SPTBN4: variants seen among roughly 807,000 people sequenced by gnomAD.
SPTBN4 encodes the protein spectrin beta, non-erythrocytic 4, also known as spectrin beta chain, non-erythrocytic 4.
Under a neutral mutation model 277.8 loss-of-function variants are expected in SPTBN4, and 96 were observed. That is an observed-to-expected ratio of 0.35 (90% CI 0.29 to 0.41). The LOEUF (loss-of-function observed/expected upper bound fraction) is 0.41. Among genes scored for constraint, SPTBN4 ranks in the 10% least tolerant of loss-of-function variants. The pLI is 1.00. For synonymous variants in SPTBN4, 1,481 were observed against 1,580.3 expected (o/e 0.94, Z 1.49); for missense variants, 3,006 against 3,595.7 (o/e 0.84, Z 4.19).
At chr19:40,513,653 G>A (rs1355754358) in intron 14 of SPTBN4, 99 bp downstream of exon 14, 3 of 1,237,132 alleles carry the variant, frequency 2.4e-6, no homozygotes, top group African/African-American at 1.5e-5. Flanking sequence ...GCTGGAACTA[G>A]GAGTTCCAAT....
At chr19:40,475,384 A>G (rs1040108502) in intron 2 of SPTBN4, among the ~76,000 whole-genome samples, 1 of 152,164 alleles carries the variant, frequency 6.6e-6, no homozygotes, top group African/African-American at 2.4e-5. Flanking sequence ...AGTTCCCTCC[A>G]AATCTTAGAA....
At chr19:40,542,516 GA>G (rs1021226458) in intron 20 of SPTBN4, among the ~76,000 whole-genome samples, 1 of 152,030 alleles carries the variant, frequency 6.6e-6, no homozygotes, top group Non-Finnish European at 1.5e-5. Context: ...AGAGATGGGG[GA>G]CTGGTCTCCT....
chr19:40,498,001 C>T (rs1259012510), intron 7 of SPTBN4, among the ~76,000 whole-genome samples: 2 of 149,432 alleles, frequency 1.3e-5, no homozygotes, highest in East Asian at 2.0e-4. Context: ...CCACCCCTAA[C>T]GCCAACCCCA....
chr19:40,519,745 C>G lies in SPTBN4; in HGVS notation c.3248C>G (p.Ala1083Gly), dbSNP rs369609149. The G allele has an allele frequency of 3.3e-5, 47 of 1,403,258 alleles. 1 individual carries two copies. The South Asian group carries it at 5.7e-4, about 17-fold the overall frequency. The allele number at this position is 1,403,258 out of a possible 1,614,324, so 86.9% of individuals were successfully genotyped here. Residue 1083 changes from alanine to glycine, a missense_variant, in exon 16 of 36, where the codon GCG becomes GGG. This residue lies in a region of SPTBN4 where 1,759 missense variants were observed against 2,061.5 expected (regional missense o/e 0.85). Transcript: ENST00000598249. This position sits in a 1 kb window ranked among gnomAD's most constrained non-coding sequence, Gnocchi z 5.7. The part of the protein sequence containing the change: ...LASAAQACGE[A>G]VAAAGRLQRF... The stretch of plus-strand genomic sequence containing the variant: ...AGCGCGGCTCAGGCCTGCGGCGAGG[C>G]GGTGGCGGCAGCAGGGCGCCTGCAG...
At chr19:40,538,249 C>T (rs1172847267) in intron 20 of SPTBN4, among the ~76,000 whole-genome samples, 1 of 152,082 alleles carries the variant, frequency 6.6e-6, no homozygotes, top group African/African-American at 2.4e-5. Context: ...ATTAGCCGAA[C>T]GTGGTGGCAC....
At chr19:40,523,323 G>C in intron 16 of SPTBN4, 114 bp from the exon 17 acceptor site, 1 of 1,031,526 alleles carries the variant, frequency 9.7e-7, no homozygotes, top group South Asian at 1.6e-5. Flanking sequence ...ACCACAACTG[G>C]AATGTTCTAT....
Position 40,519,693 on chromosome 19 carries a change from C to T in SPTBN4, c.3196C>T (p.Leu1066=), listed in dbSNP as rs1011090264. ...GCGGCTGCACCAGGGCGCGGAGGAG[C>T]TGGGCGCCGAGTGGGGCGCGCTAGC... ...AARLHQGAEE[L]GAEWGALASA... The change falls in exon 16 of 36, where the codon CTG becomes TTG. Residue 1066 remains leucine, a synonymous_variant. Coordinates refer to ENST00000598249, the MANE Select transcript of SPTBN4 (RefSeq NM_020971.3). This position sits in a 1 kb window ranked among gnomAD's most constrained non-coding sequence, Gnocchi z 5.7. 50 of 1,389,554 alleles carry T rather than the reference C, an allele frequency of 3.6e-5. No homozygotes were observed. In the African/African-American group the frequency reaches 5.2e-4, roughly 14 times the overall value. 86.1% of individuals were successfully genotyped at this position (1,389,554 alleles called of 1,614,324 possible).
chr19:40,515,345 A>G lies in SPTBN4; in HGVS notation c.2800A>G (p.Met934Val). ...ESLDQEMNSL[M>V]GRVLDVNHTV... ...CCTGGACCAAGAGATGAACAGCCTG[A>G]TGGGCCGCGTTCTGGACGTGAACCA... Residue 934 changes from methionine (M) to valine (V), a missense_variant, in exon 15 of 36, where the codon ATG (methionine) becomes GTG (valine). This residue lies in a region of SPTBN4 where 1,759 missense variants were observed against 2,061.5 expected (regional missense o/e 0.85). Transcript: ENST00000598249. The surrounding 1 kb of genome is among the most constrained non-coding windows in gnomAD (Gnocchi z 4.1). The G allele has an allele frequency of 2.5e-6, 4 of 1,612,208 alleles. No individual in the cohort carries two copies. The highest frequency in any genetic ancestry group is 3.4e-6 in the Non-Finnish European group (4 of 1,179,336).
rs547487896 is a variant in SPTBN4, at chr19:40,504,731, C to G, written c.1665+599C>G. Among the ~76,000 whole-genome samples the G allele has an allele frequency of 7.2e-5, 11 of 151,864 alleles. No homozygotes were observed. In the East Asian group the frequency reaches 2.1e-3, roughly 29 times the overall value. Reference sequence around the variant, plus strand: ...GGCGTGGTGGCGTGTGCCTGTAGTCCTAGCTATTTGGGAGGCTGAGGCTCA... The same window carrying G: ...GGCGTGGTGGCGTGTGCCTGTAGTCGTAGCTATTTGGGAGGCTGAGGCTCA... On this transcript the variant is annotated intron_variant, in intron 12 of 35. Coordinates refer to ENST00000598249, the MANE Select transcript of SPTBN4 (RefSeq NM_020971.3).
At chr19:40,552,237 C>T (rs184051562) in intron 22 of SPTBN4, among the ~76,000 whole-genome samples, 6 of 152,034 alleles carry the variant, frequency 3.9e-5, no homozygotes, top group East Asian at 1.9e-4. Flanking sequence ...GAGTGGATCA[C>T]GAGGTCAGGA....
Position 40,554,206 on chromosome 19 carries a change from G to T in SPTBN4, c.4734G>T (p.Ala1578=). 6.7e-7 allele frequency: 1 copy of T among 1,483,034 alleles called. No individual in the cohort carries two copies. The highest frequency in any genetic ancestry group is 1.3e-5 in the South Asian group (1 of 75,888). The allele number at this position is 1,483,034 out of a possible 1,614,324, so 91.9% of individuals were successfully genotyped here. A position where few individuals can be genotyped will look rare whatever the true frequency, so the allele number is the denominator to read the frequency against. ...GCCTGGAGGAGGTGCTGGAGCGCGCGGGCGCGCTGGCGTCGCTGCGCAGCC... is the reference window on the plus strand; with the variant it reads ...GCCTGGAGGAGGTGCTGGAGCGCGCTGGCGCGCTGGCGTCGCTGCGCAGCC... ...GPRLEEVLER[A]GALASLRSPE... is the part of the protein sequence containing the mutation. Residue 1578 remains alanine (A), a synonymous_variant, in exon 23 of 36, where the codon GCG becomes GCT. Coordinates refer to ENST00000598249, the MANE Select transcript of SPTBN4 (RefSeq NM_020971.3). This position sits in a 1 kb window ranked among gnomAD's most constrained non-coding sequence, Gnocchi z 5.7.
chr19:40,549,295 G>T lies in SPTBN4; in HGVS notation c.4466G>T (p.Arg1489Leu). The T allele has an allele frequency of 6.5e-7, 1 of 1,542,834 alleles. No individual in the cohort carries two copies. The highest frequency in any genetic ancestry group is 1.2e-5 in the South Asian group (1 of 83,906). Residue 1489 changes from arginine (R) to leucine (L), a missense_variant, in exon 21 of 36, where the codon CGG (arginine) becomes CTG (leucine). Transcript: ENST00000598249. Reference sequence around the variant, plus strand: ...GCGAGCAAGGAGCTGGTGGGTGAGCGGCAGAACGCGGTGGGCGAGCGCCTG... The same window carrying T: ...GCGAGCAAGGAGCTGGTGGGTGAGCTGCAGAACGCGGTGGGCGAGCGCCTG... The part of the protein sequence containing the change: ...EPASKELVGE[R>L]QNAVGERLVR...
intron 17 of SPTBN4, among the ~76,000 whole-genome samples, chr19:40,525,815 C>T (rs1020949195): frequency 6.6e-6 from 1 of 152,162 alleles, no homozygotes; most frequent in Non-Finnish European, 1.5e-5. Flanking sequence ...GGTCAGGGCC[C>T]GGATGGGAGA....
Position 40,560,134 on chromosome 19 carries a change from G to C in SPTBN4, c.5671-25G>C. 1.9e-6 allele frequency: 3 copies of C among 1,566,900 alleles called. No individual in the cohort carries two copies. The highest frequency in any genetic ancestry group is 2.6e-6 in the Non-Finnish European group (3 of 1,161,558). ...ACAGCCTGGGCCCCGTGGAGGGCTG[G>C]CGCCCGACCTGGCATGCCCTTCAGG... On this transcript the variant is annotated intron_variant, in intron 26 of 35. Transcript: ENST00000598249. This position sits in a 1 kb window ranked among gnomAD's most constrained non-coding sequence, Gnocchi z 5.2.
intron 2 of SPTBN4, among the ~76,000 whole-genome samples, chr19:40,473,361 T>G (rs1037564462): frequency 1.4e-5 from 2 of 144,058 alleles, no homozygotes; most frequent in South Asian, 2.2e-4. Context: ...GGTGTTTTTT[T>G]TTTTTTTTTT....
chr19:40,469,316 G>A (rs1016037016), intron 1 of SPTBN4, among the ~76,000 whole-genome samples: 7 of 151,906 alleles, frequency 4.6e-5, no homozygotes, highest in Admixed American at 3.9e-4. Flanking sequence ...CCAGGCTAGA[G>A]TTTAGTGGCA....
chr19:40,513,199 G>A lies in SPTBN4; in HGVS notation c.2410G>A (p.Asp804Asn). The change falls in exon 14 of 36, where the codon GAC (aspartate) becomes AAC (asparagine). Residue 804 changes from aspartate (D) to asparagine (N), a missense_variant. Physicochemically the swap from Asp to Asn is conservative, Grantham distance 23. Around this residue, in one of 5 missense-constraint regions of SPTBN4, gnomAD observed 1,759 missense variants for 2,061.5 expected, o/e 0.85. Coordinates refer to ENST00000598249, the MANE Select transcript of SPTBN4 (RefSeq NM_020971.3). ...GGCAGCCGCCGGTGACTTCGGCCAC[G>A]ACGAAGCTTCCAGCCGCCGCCTGGC... The part of the protein sequence containing the change: ...RLAAAGDFGH[D>N]EASSRRLARQ... 1 of 1,505,154 alleles carries A rather than the reference G, an allele frequency of 6.6e-7. No individual in the cohort carries two copies. The highest frequency in any genetic ancestry group is 1.4e-5 in the African/African-American group (1 of 69,054). 93.2% of individuals were successfully genotyped at this position (1,505,154 alleles called of 1,614,324 possible).
chr19:40,467,468 C>T (rs1295051467), intron 1 of SPTBN4, among the ~76,000 whole-genome samples, 163 bp downstream of exon 1: 1 of 152,174 alleles, frequency 6.6e-6, no homozygotes, highest in Non-Finnish European at 1.5e-5. Context: ...CCCACCCGGT[C>T]TAGCTTCCGC....
chr19:40,501,877 C>CA lies in SPTBN4; in HGVS notation c.785-41dup, dbSNP rs755644605. 9 of 1,548,560 alleles carry CA rather than the reference C, an allele frequency of 5.8e-6. No homozygotes were observed. The East Asian group carries it at 1.8e-4, about 31-fold the overall frequency. Reference sequence around the variant, plus strand: ...CATCCAATACCTTCAAGCACTCTGTCAAAGTGCCCACTGTCTTGTTTCCCC... The same window carrying CA: ...CATCCAATACCTTCAAGCACTCTGTCAAAAGTGCCCACTGTCTTGTTTCCCC... On this transcript the variant is annotated intron_variant, in intron 7 of 35. Transcript: ENST00000598249.
Sources: allele counts gnomAD v4.1 joint callset (sites outside exome capture counted in the v4.1 genomes callset), GRCh38; gene constraint gnomAD v4.1.1; regional missense constraint gnomAD v4.1.1; non-coding constraint Gnocchi (gnomAD v3.1); transcripts MANE v1.5; gene names NCBI Gene and HGNC (gene_info 2026-07-23, HGNC 2026-07-21).